The following SLC25A41 variants were observed in gnomAD, a reference collection of about 807,000 sequenced individuals.
The protein encoded by SLC25A41 is solute carrier family 25 member 41.
In SLC25A41, 35 loss-of-function variants were observed where a neutral mutation model predicts 34.7. The observed-to-expected ratio is 1.01, with a 90% CI of 0.77 to 1.34. The LOEUF (loss-of-function observed/expected upper bound fraction) is 1.34, where lower values mean the gene tolerates loss of function less well. Among genes scored for constraint, SLC25A41 ranks in the 40% most tolerant of loss-of-function variants. The pLI is 0.00. For missense variants in SLC25A41, 492 were observed against 489.8 expected (o/e 1.00, Z -0.04); for synonymous variants, 190 against 209.9 (o/e 0.91, Z 0.82).
intron 4 of SLC25A41, among the ~76,000 whole-genome samples, chr19:6,429,266 A>T (rs1313119045): frequency 9.0e-6 from 1 of 111,172 alleles, no homozygotes; most frequent in Non-Finnish European, 1.8e-5. Context: ...TATATGTGTT[A>T]TATATAATAT....
In SLC25A41 at chr19:6,429,829, G is replaced by C; in HGVS notation, c.519C>G (p.Cys173Trp). Residue 173 changes from cysteine (C) to tryptophan (W), a missense_variant and splice_region_variant, in exon 4 of 7, where the codon TGC becomes TGG. Physicochemically the swap from Cys to Trp is radical, Grantham distance 215 (BLOSUM62 -2). Coordinates refer to ENST00000321510, the MANE Select transcript of SLC25A41 (RefSeq NM_173637.4). ...YAIKFSVFEQCKNYFCGIQGS... is the reference protein window; with the variant it reads ...YAIKFSVFEQWKNYFCGIQGS... ...CTTGTATTCCACAGAAGTAATTCTTGCACTGGGAGAGGAGAGAGGAGGGTG... is the reference window on the plus strand; with the variant it reads ...CTTGTATTCCACAGAAGTAATTCTTCCACTGGGAGAGGAGAGAGGAGGGTG... 1 of 1,610,742 alleles carries C rather than the reference G, an allele frequency of 6.2e-7. No individual in the cohort carries two copies. The highest frequency in any genetic ancestry group is 8.5e-7 in the Non-Finnish European group (1 of 1,178,766).
In SLC25A41 at chr19:6,427,236, G is replaced by C. The variant is rs1360757181; in HGVS notation, c.807C>G (p.Phe269Leu). 1.9e-6 allele frequency: 3 copies of C among 1,612,726 alleles called. No individual in the cohort carries two copies. The South Asian group carries it at 3.3e-5, about 18-fold the overall frequency. ...DLAVYEMLQCFWVKSGRDMGD... is the reference protein window; with the variant it reads ...DLAVYEMLQCLWVKSGRDMGD... ...CCATATCCCTGCCTGACTTCACCCA[G>C]AAGCACTGGAGCATCTGCAAGAGAA... The change falls in exon 6 of 7, where the codon TTC becomes TTG. Residue 269 changes from phenylalanine (F) to leucine (L), a missense_variant. Coordinates refer to ENST00000321510, the MANE Select transcript of SLC25A41 (RefSeq NM_173637.4). The surrounding 1 kb of genome is among the most constrained non-coding windows in gnomAD (Gnocchi z 4.9).
In SLC25A41 at chr19:6,426,347, C is replaced by T. The variant is rs962164093; in HGVS notation, c.*42G>A. 6.3e-7 allele frequency: 1 copy of T among 1,590,554 alleles called. No individual in the cohort carries two copies. Among genetic ancestry groups the T allele is most frequent in the African/African-American group, 1.3e-5 (1 of 74,520 alleles). On this transcript the variant is annotated 3_prime_UTR_variant, in exon 7 of 7. Transcript: ENST00000321510. ...TTGGGGCCAGGGGTCATCAGGTCCT[C>T]CTGTCCCATTTCTGCCTAGGCTGTG...
rs185833749 is a variant in SLC25A41 at position 6,432,172 on chromosome 19, G to C, written c.240C>G (p.Pro80=). 9 of 1,613,792 alleles carry C rather than the reference G, an allele frequency of 5.6e-6. No homozygotes were observed. Among genetic ancestry groups the C allele is most frequent in the Non-Finnish European group, 7.6e-6 (9 of 1,179,824 alleles). ...VLDTGEQLMV[P]VEVLEVDNKE... is the part of the protein sequence containing the mutation. ...TGTTATCCACTTCCAGGACTTCCACGGGGACCATCAGCTGCTCTCCTGTGT... is the reference window on the plus strand; with the variant it reads ...TGTTATCCACTTCCAGGACTTCCACCGGGACCATCAGCTGCTCTCCTGTGT... The change falls in exon 2 of 7, where the codon CCC becomes CCG. Residue 80 remains proline, a synonymous_variant. Coordinates refer to ENST00000321510, the MANE Select transcript of SLC25A41 (RefSeq NM_173637.4).
chr19:6,434,408 T>C (rs898674938), upstream of SLC25A41, among the ~76,000 whole-genome samples: 2 of 152,128 alleles, frequency 1.3e-5, no homozygotes, highest in Non-Finnish European at 2.9e-5. Flanking sequence ...TCTCTCTGTC[T>C]GCCATGGGAG....
chr19:6,430,581 A>G (rs1599258368), intron 2 of SLC25A41: 1 of 348,634 alleles, frequency 2.9e-6, no homozygotes, highest in Non-Finnish European at 5.6e-6. Context: ...TCCGCCTCCC[A>G]GGTTCAGGCG....
intron 2 of SLC25A41, among the ~76,000 whole-genome samples, chr19:6,431,587 G>A (rs917664919): frequency 5.9e-5 from 9 of 151,884 alleles, no homozygotes; most frequent in African/African-American, 1.2e-4. Context: ...CTACAGGCAC[G>A]CACCACCATG....
intron 4 of SLC25A41, among the ~76,000 whole-genome samples, chr19:6,428,138 C>T (rs557915991): frequency 1.3e-5 from 2 of 152,080 alleles, no homozygotes; most frequent in South Asian, 2.1e-4. Context: ...AACCCTAGGT[C>T]GGGTGCGGTA....
chr19:6,426,378 C>G lies in SLC25A41; in HGVS notation c.*11G>C. 6.2e-7 allele frequency: 1 copy of G among 1,609,676 alleles called. No homozygotes were observed. Among genetic ancestry groups the G allele is most frequent in the Non-Finnish European group, 8.5e-7 (1 of 1,176,588 alleles). On this transcript the variant is annotated 3_prime_UTR_variant, in exon 7 of 7. Transcript: ENST00000321510. ...CCATTTCTGCCTAGGCTGTGTCGTC[C>G]AGCTCACAGCCTATATGCCCAGGGT... is the stretch of plus-strand genomic sequence containing the variant.
chr19:6,431,551 T>G (rs1456866936), intron 2 of SLC25A41, among the ~76,000 whole-genome samples: 1 of 151,990 alleles, frequency 6.6e-6, no homozygotes, highest in Non-Finnish European at 1.5e-5. Flanking sequence ...GCAATTCTCC[T>G]GCCTCAGCCT....
At chr19:6,432,862 T>A (rs1158792029) in intron 1 of SLC25A41, among the ~76,000 whole-genome samples, 2 of 151,808 alleles carry the variant, frequency 1.3e-5, no homozygotes, top group East Asian at 3.9e-4. Context: ...GAGGCAGGGT[T>A]TCACCATGTT....
chr19:6,429,635 G>T, intron 4 of SLC25A41, 89 bp downstream of exon 4: 1 of 887,230 alleles, frequency 1.1e-6, no homozygotes, highest in East Asian at 2.8e-5. Context: ...AAGGAGGAGG[G>T]GAGAAAGGAG....
At chr19:6,432,653 C>T (rs544634425) in intron 1 of SLC25A41, among the ~76,000 whole-genome samples, 11 of 150,392 alleles carry the variant, frequency 7.3e-5, no homozygotes, top group Admixed American at 2.7e-4. Context: ...TACAGTGGTG[C>T]GATCTTGGCT....
Position 6,427,541 on chromosome 19 carries a change from T to C in SLC25A41, c.625-40A>G. ...GAACAAGGCAGCTCATTTGATTGAA[T>C]CCTGTCAATGACCCTCGGGGTAGCC... On this transcript the variant is annotated intron_variant, in intron 4 of 6. Coordinates refer to ENST00000321510, the MANE Select transcript of SLC25A41 (RefSeq NM_173637.4). The surrounding 1 kb of genome is among the most constrained non-coding windows in gnomAD (Gnocchi z 4.9). 1.4e-6 allele frequency: 2 copies of C among 1,460,854 alleles called. No homozygotes were observed. The highest frequency in any genetic ancestry group is 1.8e-6 in the Non-Finnish European group (2 of 1,098,196). The allele number at this position is 1,460,854 out of a possible 1,614,324, so 90.5% of individuals were successfully genotyped here. A position where few individuals can be genotyped will look rare whatever the true frequency, so the allele number is the denominator to read the frequency against.
In SLC25A41 at chr19:6,431,452, T is replaced by A. The variant is rs536878281; in HGVS notation, c.363+597A>T. On this transcript the variant is annotated intron_variant, in intron 2 of 6. Transcript: ENST00000321510. Reference sequence around the variant, plus strand: ...ATGTTGCCTTTTTTTTTTTTCTTTCTTTTTTGAGACAGAGTCTCACTCTGT... The same window carrying A: ...ATGTTGCCTTTTTTTTTTTTCTTTCATTTTTGAGACAGAGTCTCACTCTGT... Among the ~76,000 whole-genome samples, 3 of 151,608 alleles carry A rather than the reference T, an allele frequency of 2.0e-5. No homozygotes were observed. In the East Asian group the frequency reaches 5.8e-4, roughly 29 times the overall value.
At chr19:6,436,230 G>A (rs1451527519), upstream of SLC25A41, 3 of 280,022 alleles carry the variant, frequency 1.1e-5, no homozygotes, top group South Asian at 3.3e-5. Flanking sequence ...GGCTGTTCCC[G>A]TGATCAGTGT....
rs200564225 is a variant in SLC25A41 at position 6,426,383 on chromosome 19, C to G, written c.*6G>C. Reference sequence around the variant, plus strand: ...TCTGCCTAGGCTGTGTCGTCCAGCTCACAGCCTATATGCCCAGGGTTTTCT... The same window carrying G: ...TCTGCCTAGGCTGTGTCGTCCAGCTGACAGCCTATATGCCCAGGGTTTTCT... On this transcript the variant is annotated 3_prime_UTR_variant, in exon 7 of 7. Transcript: ENST00000321510. The G allele has an allele frequency of 6.2e-7, 1 of 1,611,928 alleles. No homozygotes were observed. Among genetic ancestry groups the G allele is most frequent in the Admixed American group, 1.7e-5 (1 of 59,988 alleles).
Position 6,426,448 on chromosome 19 carries a change from G to A in SLC25A41, c.1054C>T (p.Pro352Ser). ...ACCACATAGCTGATGCCACCTGCTG[G>A]TAAGACCTTCAGTAGCGTGGGGGTC... ...GMTPTLLKVLPAGGISYVVYE... is the reference protein window; with the variant it reads ...GMTPTLLKVLSAGGISYVVYE... The change falls in exon 7 of 7, where the codon CCA becomes TCA. Residue 352 changes from proline (P) to serine (S), a missense_variant. Transcript: ENST00000321510. The A allele has an allele frequency of 6.2e-7, 1 of 1,613,842 alleles. No individual in the cohort carries two copies. Among genetic ancestry groups the A allele is most frequent in the Non-Finnish European group, 8.5e-7 (1 of 1,179,842 alleles).
chr19:6,429,328 G>A (rs1305599244), intron 4 of SLC25A41, among the ~76,000 whole-genome samples: 1 of 109,236 alleles, frequency 9.2e-6, no homozygotes, highest in South Asian at 3.2e-4. Flanking sequence ...GGAGGAGAAA[G>A]AGGTAAAGGG....
Sources: gnomAD v4.1 joint callset for allele counts (sites outside exome capture counted in the v4.1 genomes callset) on GRCh38, gnomAD v4.1.1 for gene constraint, Gnocchi (gnomAD v3.1) non-coding constraint, MANE v1.5 for transcripts, NCBI Gene and HGNC (gene_info 2026-07-23, HGNC 2026-07-21) for gene names.